The following TARS3 variants were observed in gnomAD, a reference collection of about 807,000 sequenced individuals.
The protein encoded by TARS3 is threonyl-tRNA synthetase 3, also known as threonine--tRNA ligase 2, cytoplasmic.
In TARS3, 94 loss-of-function variants were observed where a neutral mutation model predicts 103.5. That is an observed-to-expected ratio of 0.91 (90% CI 0.77 to 1.08). The LOEUF (loss-of-function observed/expected upper bound fraction) is 1.08. Among genes scored for constraint, TARS3 ranks in the 50% least tolerant of loss-of-function variants. The pLI, the probability that TARS3 is intolerant of heterozygous loss-of-function variation, is 0.00. For missense variants in TARS3, 952 were observed against 995.2 expected (o/e 0.96, Z 0.58); for synonymous variants, 416 against 355.4 (o/e 1.17, Z -1.92).
rs1473494801 is a variant in TARS3 at position 101,724,402 on chromosome 15, G to C, written c.-15C>G. On this transcript the variant is annotated 5_prime_UTR_variant, in exon 1 of 19. Coordinates refer to ENST00000335968, the MANE Select transcript of TARS3 (RefSeq NM_152334.3). ...TCGGCCGCCATCGCGGCCTCCCTCA[G>C]GCACCGACGCCGAGCGGGGTGCCCG... 7.0e-7 allele frequency: 1 copy of C among 1,420,024 alleles called. No homozygotes were observed. The highest frequency in any genetic ancestry group is 3.2e-5 in the Admixed American group (1 of 31,286). The allele number at this position is 1,420,024 out of a possible 1,614,324, so 88.0% of individuals were successfully genotyped here.
At chr15:101,692,353 G>A (rs55842830) in intron 10 of TARS3, among the ~76,000 whole-genome samples, 32 of 46,392 alleles carry the variant, frequency 6.9e-4, no homozygotes, top group South Asian at 2.7e-3. Flanking sequence ...TGTGGGTTCT[G>A]GTATTACTAC....
At chr15:101,702,090 G>C in intron 9 of TARS3, 149 bp downstream of exon 9, 2 of 814,056 alleles carry the variant, frequency 2.5e-6, no homozygotes, top group Non-Finnish European at 4.0e-6. Context: ...GTATTAAAAT[G>C]AAAGCACTGA....
At chr15:101,686,617 A>G (rs563590653) in intron 10 of TARS3, among the ~76,000 whole-genome samples, 16 of 152,278 alleles carry the variant, frequency 1.1e-4, no homozygotes, top group Non-Finnish European at 2.1e-4. Context: ...TTTCCAAGCA[A>G]AGTTTTAACT....
intron 4 of TARS3, among the ~76,000 whole-genome samples, chr15:101,713,647 A>G (rs1036781239): frequency 1.3e-5 from 2 of 152,252 alleles, no homozygotes; most frequent in Non-Finnish European, 2.9e-5. Flanking sequence ...AAGGTTCTGG[A>G]ATGAGCTATT....
intron 6 of TARS3, among the ~76,000 whole-genome samples, chr15:101,706,973 T>G (rs1899597454): frequency 6.6e-6 from 1 of 152,050 alleles, no homozygotes. Flanking sequence ...CTCTTATAAC[T>G]CAAATACAAA....
chr15:101,679,560 A>T (rs1050314695), intron 12 of TARS3, among the ~76,000 whole-genome samples: 1 of 152,052 alleles, frequency 6.6e-6, no homozygotes, highest in Non-Finnish European at 1.5e-5. Flanking sequence ...TAGTAATTGC[A>T]TTTTTATGGT....
chr15:101,715,741 G>T (rs895589658), intron 3 of TARS3, among the ~76,000 whole-genome samples: 8 of 152,072 alleles, frequency 5.3e-5, no homozygotes, highest in African/African-American at 1.9e-4. Flanking sequence ...CCTAAGTCTT[G>T]CTATCATAGA....
chr15:101,709,242 A>G (rs1899734315), intron 5 of TARS3, among the ~76,000 whole-genome samples: 1 of 152,196 alleles, frequency 6.6e-6, no homozygotes, highest in Non-Finnish European at 1.5e-5. Flanking sequence ...TTTGCTCAAG[A>G]GCCAGATGCA....
At chr15:101,722,268 A>C (rs1596334327) in intron 2 of TARS3, among the ~76,000 whole-genome samples, 15 of 126,056 alleles carry the variant, frequency 1.2e-4, no homozygotes, top group Admixed American at 2.6e-4. Flanking sequence ...CCCCCATGAC[A>C]CCTCCCTTTT....
chr15:101,687,122 G>C (rs554134001), intron 10 of TARS3, among the ~76,000 whole-genome samples: 1 of 152,220 alleles, frequency 6.6e-6, no homozygotes, highest in East Asian at 1.9e-4. Context: ...ACCTTAACAG[G>C]TAGGGTGTGG....
intron 15 of TARS3, among the ~76,000 whole-genome samples, chr15:101,665,562 C>T (rs865829707): frequency 1.3e-5 from 2 of 152,184 alleles, no homozygotes; most frequent in African/African-American, 4.8e-5. Context: ...CAGATTACAA[C>T]TTAGGAACTC....
chr15:101,718,094 C>T (rs991135403), intron 3 of TARS3, among the ~76,000 whole-genome samples: 5 of 152,122 alleles, frequency 3.3e-5, no homozygotes, highest in Admixed American at 2.0e-4. Flanking sequence ...TAGGGCTGGG[C>T]GTGGTGGCTT....
chr15:101,674,623 G>A (rs1338142804), intron 13 of TARS3, among the ~76,000 whole-genome samples: 4 of 151,976 alleles, frequency 2.6e-5, no homozygotes, highest in African/African-American at 7.2e-5. Flanking sequence ...TGGCTAACAC[G>A]GTGAAGCCCT....
At chr15:101,668,534 C>T (rs993814372) in intron 15 of TARS3, among the ~76,000 whole-genome samples, 2 of 152,056 alleles carry the variant, frequency 1.3e-5, no homozygotes, top group African/African-American at 4.8e-5. Flanking sequence ...CAAGAATTAC[C>T]TAAGTGTGAC....
At chr15:101,717,772 AC>A (rs1315428890) in intron 3 of TARS3, among the ~76,000 whole-genome samples, 2 of 152,200 alleles carry the variant, frequency 1.3e-5, no homozygotes, top group Non-Finnish European at 2.9e-5. Flanking sequence ...CAACCTGGCC[AC>A]CCACGTCTAG....
chr15:101,657,097 CG>C (rs759930518), intron 17 of TARS3, 61 bp from the exon 18 acceptor site: 155 of 1,088,540 alleles, frequency 1.4e-4, no homozygotes, highest in Non-Finnish European at 2.0e-4. Flanking sequence ...AAGAAGACCC[CG>C]TTGTTCCCCA....
rs1482021569 is a variant in TARS3, at chr15:101,675,653, T to A, written c.1735A>T (p.Thr579Ser). Residue 579 changes from threonine to serine, a missense_variant, in exon 13 of 19, where the codon ACA becomes TCA. Thr to Ser is a moderately conservative substitution (Grantham distance 58, BLOSUM62 1). Coordinates refer to ENST00000335968, the MANE Select transcript of TARS3 (RefSeq NM_152334.3). ...FGFSFQLNLS[T>S]RPENFLGEIE... ...TCTCCTAGGAAGTTTTCCGGCCTTG[T>A]TGACAGGTTTAATTGAAAGGAGAAG... 2 of 1,614,046 alleles carry A rather than the reference T, an allele frequency of 1.2e-6. No individual in the cohort carries two copies. The highest frequency in any genetic ancestry group is 3.3e-5 in the Admixed American group (2 of 60,006).
At position 101,661,672 on chromosome 15, in the gene TARS3, G is replaced by A. The variant is rs745379154; in HGVS notation, c.2072+40C>T. 19 of 1,214,806 alleles carry A rather than the reference G, an allele frequency of 1.6e-5. No individual in the cohort carries two copies. The African/African-American group carries it at 2.6e-4, about 17-fold the overall frequency. The allele number at this position is 1,214,806 out of a possible 1,614,324, so 75.3% of individuals were successfully genotyped here. ...TGAGTAAATTAATAAAAATTAAAAAGAATAATAGACATATAGTTTTTCTTT... is the reference window on the plus strand; with the variant it reads ...TGAGTAAATTAATAAAAATTAAAAAAAATAATAGACATATAGTTTTTCTTT... On this transcript the variant is annotated intron_variant, in intron 16 of 18. Transcript: ENST00000335968.
At chr15:101,662,980 T>A (rs1336054839) in intron 15 of TARS3, among the ~76,000 whole-genome samples, 1 of 152,222 alleles carries the variant, frequency 6.6e-6, no homozygotes, top group Non-Finnish European at 1.5e-5. Context: ...ATAGATAAAT[T>A]TGAAGAGAAT....
Sources: gnomAD v4.1 joint callset for allele counts (sites outside exome capture counted in the v4.1 genomes callset) on GRCh38, gnomAD v4.1.1 for gene constraint, MANE v1.5 for transcripts, NCBI Gene and HGNC (gene_info 2026-07-23, HGNC 2026-07-21) for gene names.